DHX57: variants seen among roughly 807,000 people sequenced by gnomAD.
DHX57 encodes the protein DExH-box helicase 57.
Under a neutral mutation model 156.2 loss-of-function variants are expected in DHX57, and 105 were observed. The observed-to-expected ratio is 0.67, with a 90% confidence interval of 0.57 to 0.79. The LOEUF is 0.79. Ranked by LOEUF, DHX57 falls within the 30% of genes least tolerant of loss-of-function variation. DHX57 has a pLI of 0.00. For missense variants in DHX57, 1,847 were observed against 1,661.9 expected (o/e 1.11, Z -1.94); for synonymous variants, 704 against 595.6 (o/e 1.18, Z -2.65).
At position 38,864,986 on chromosome 2, in the gene DHX57, A is replaced by G. The variant is rs185154562; in HGVS notation, c.225-1467T>C. 2.9e-3 allele frequency among the ~76,000 whole-genome samples: 441 copies of G among 152,270 alleles called. 3 individuals are homozygous for G. The highest frequency in any genetic ancestry group is 0.01 in the African/African-American group (421 of 41,548). ...CCACAAATGTGTACCCTCTTTAAGC[A>G]TACAATTCGATCTTATTGGCTACTC... On this transcript the variant is annotated intron_variant, in intron 2 of 23. Transcript: ENST00000457308.
In DHX57 at chr2:38,802,858, C is replaced by T. The variant is rs748146523; in HGVS notation, c.3874G>A (p.Val1292Ile). 16 of 1,614,046 alleles carry T rather than the reference C, an allele frequency of 9.9e-6. No homozygotes were observed. In the East Asian group the frequency reaches 2.7e-4, roughly 27 times the overall value. Residue 1292 changes from valine to isoleucine, a missense_variant, in exon 23 of 24, where the codon GTA becomes ATA. By Grantham distance (29) the Val-to-Ile change is conservative (BLOSUM62 3). Transcript: ENST00000457308. ...LYHEKIKTSRVFIRDCSMVSV... is the reference protein window; with the variant it reads ...LYHEKIKTSRIFIRDCSMVSV... ...ACCATGCTGCAGTCTCGGATGAATA[C>T]TCGACTAGTTTTTATCTTCTCGTGG... is the stretch of plus-strand genomic sequence containing the variant.
intron 19 of DHX57, chr2:38,816,026 T>C: frequency 2.4e-6 from 1 of 414,594 alleles, no homozygotes. Flanking sequence ...CAACTCCAAG[T>C]GCTGCGGCAC....
At chr2:38,850,889 AC>A (rs1672551941) in intron 9 of DHX57, among the ~76,000 whole-genome samples, 2 of 152,064 alleles carry the variant, frequency 1.3e-5, no homozygotes, top group Non-Finnish European at 2.9e-5. Flanking sequence ...AGCCTGGCCA[AC>A]ATGGTGAAAC....
At chr2:38,855,013 A>T (rs758754520) in intron 8 of DHX57, 44 bp downstream of exon 8, 1 of 1,613,416 alleles carries the variant, frequency 6.2e-7, no homozygotes, top group Admixed American at 1.7e-5. Flanking sequence ...TATACCTAAA[A>T]ACCATAAATT....
intron 21 of DHX57, among the ~76,000 whole-genome samples, chr2:38,812,265 A>AC (rs1553322854): frequency 6.6e-6 from 1 of 151,886 alleles, no homozygotes; most frequent in Non-Finnish European, 1.5e-5. Context: ...AGCACAAACA[A>AC]TTTTTTAAAA....
intron 21 of DHX57, among the ~76,000 whole-genome samples, chr2:38,807,606 G>A (rs1009797729): frequency 6.6e-6 from 1 of 151,530 alleles, no homozygotes; most frequent in African/African-American, 2.4e-5. Context: ...ATCCACCTGC[G>A]TCGGCCTCCC....
At chr2:38,800,229 C>T (rs1343938969) in intron 23 of DHX57, among the ~76,000 whole-genome samples, 1 of 151,126 alleles carries the variant, frequency 6.6e-6, no homozygotes, top group African/African-American at 2.4e-5. Context: ...TGGTGTACGC[C>T]TGCAGTCCCA....
chr2:38,834,695 A>G (rs577472305), intron 13 of DHX57, among the ~76,000 whole-genome samples: 1 of 152,336 alleles, frequency 6.6e-6, no homozygotes, highest in Admixed American at 6.5e-5. Context: ...AAAAGTCATG[A>G]CATCACAAGC....
chr2:38,805,251 G>A (rs895112987), intron 22 of DHX57, among the ~76,000 whole-genome samples: 2 of 152,204 alleles, frequency 1.3e-5, no homozygotes, highest in African/African-American at 4.8e-5. Flanking sequence ...ACTCCTCTAA[G>A]CTTAAGGAAA....
At chr2:38,801,681 G>A (rs779242164) in intron 23 of DHX57, among the ~76,000 whole-genome samples, 5 of 151,904 alleles carry the variant, frequency 3.3e-5, no homozygotes, top group Non-Finnish European at 7.4e-5. Flanking sequence ...TGCAACCTCC[G>A]CCTCCTGGGC....
In DHX57 at chr2:38,798,335, G is replaced by T. The variant is rs1669488321; in HGVS notation, c.4125C>A (p.Ile1375=). The T allele has an allele frequency of 6.2e-7, 1 of 1,613,876 alleles. No homozygotes were observed. The highest frequency in any genetic ancestry group is 2.2e-5 in the East Asian group (1 of 44,876). ...TGACAAGTTTCACAATTGTGCTGAT[G>T]ATCCGGGATCCTCGAGGACACGTAC... is the stretch of plus-strand genomic sequence containing the variant. ...DLCTCPRGSR[I]ISTIVKLVTT... The change falls in exon 24 of 24, where the codon ATC becomes ATA. Residue 1375 remains isoleucine (I), a synonymous_variant. Transcript: ENST00000457308.
intron 5 of DHX57, 116 bp from the exon 6 acceptor site, chr2:38,858,952 A>G (rs1673046379): frequency 9.7e-7 from 1 of 1,030,652 alleles, no homozygotes; most frequent in South Asian, 1.7e-5. Flanking sequence ...AAAAGTGAAA[A>G]CTTGAATAAA....
intron 23 of DHX57, among the ~76,000 whole-genome samples, chr2:38,800,290 G>A (rs1356888598): frequency 6.6e-6 from 1 of 151,828 alleles, no homozygotes; most frequent in Admixed American, 6.6e-5. Flanking sequence ...GGAGGCGGAG[G>A]TTGCAGTGAA....
chr2:38,856,501 T>C (rs781140681), intron 6 of DHX57, 40 bp from the exon 7 acceptor site: 9 of 1,554,260 alleles, frequency 5.8e-6, no homozygotes, highest in Admixed American at 2.1e-5. Flanking sequence ...GGGTTACTTT[T>C]TCTTTTTTTT....
intron 23 of DHX57, 56 bp downstream of exon 23, chr2:38,802,659 A>C: frequency 6.3e-7 from 1 of 1,599,634 alleles, no homozygotes; most frequent in East Asian, 2.2e-5. Context: ...ATAACTTCAT[A>C]TTGTCAAAGC....
intron 21 of DHX57, among the ~76,000 whole-genome samples, chr2:38,807,289 A>G (rs993010846): frequency 1.3e-5 from 2 of 152,064 alleles, no homozygotes; most frequent in African/African-American, 4.8e-5. Flanking sequence ...TCCTGACCTC[A>G]AGCGATCTGC....
Position 38,861,549 on chromosome 2 carries a change from T to C in DHX57, c.861A>G (p.Lys287=), listed in dbSNP as rs752523172. 5.4e-5 allele frequency: 87 copies of C among 1,614,082 alleles called. No homozygotes were observed. The highest frequency in any genetic ancestry group is 7.0e-5 in the Non-Finnish European group (83 of 1,180,042). The change falls in exon 5 of 24, where the codon AAA becomes AAG. Residue 287 remains lysine (K), a synonymous_variant. Transcript: ENST00000457308. ...ELEYLTSRFR[K]SKPKESTKNV... ...TTTTGGTACTTTCTTTTGGCTTGGA[T>C]TTGCGGAATCTACTTGTCAGATACT...
At chr2:38,858,862 T>G in intron 5 of DHX57, 26 bp from the exon 6 acceptor site, 1 of 1,598,458 alleles carries the variant, frequency 6.3e-7, no homozygotes, top group South Asian at 1.1e-5. Flanking sequence ...AGAAAACATT[T>G]CAGTATGGAG....
intron 21 of DHX57, among the ~76,000 whole-genome samples, chr2:38,812,825 G>A (rs145525696): frequency 1.6e-5 from 2 of 124,666 alleles, no homozygotes; most frequent in East Asian, 5.2e-4. Context: ...GAGCCATCGT[G>A]CCTGTCCCTT....
Sources: gnomAD v4.1 joint callset for allele counts (sites outside exome capture counted in the v4.1 genomes callset) on GRCh38, gnomAD v4.1.1 for gene constraint, MANE v1.5 for transcripts, NCBI Gene and HGNC (gene_info 2026-07-23, HGNC 2026-07-21) for gene names.